SETBP1: variants seen among roughly 807,000 people sequenced by gnomAD.
SETBP1 encodes SET-binding protein.
In SETBP1, 9 loss-of-function variants were observed where a neutral mutation model predicts 101.0. The ratio of observed to expected loss-of-function variants is 0.09; its 90% CI spans 0.05 to 0.16. The LOEUF is 0.16. SETBP1 is among the 10% of genes least tolerant of loss of function. The pLI, the probability that SETBP1 is intolerant of heterozygous loss-of-function variation, is 1.00. For missense variants in SETBP1, 1,858 were observed against 2,033.8 expected, an observed-to-expected ratio of 0.91 and a Z score of 1.66; for synonymous variants, 818 against 788.5, an observed-to-expected ratio of 1.04 and a Z score of -0.63.
At chr18:44,836,043 C>T (rs982380268) in intron 2 of SETBP1, among the ~76,000 whole-genome samples, 25 of 152,134 alleles carry the variant, frequency 1.6e-4, no homozygotes, top group Non-Finnish European at 2.9e-4. Flanking sequence ...CCACGGACAA[C>T]GATCCTGTCC....
intron 3 of SETBP1, among the ~76,000 whole-genome samples, chr18:44,884,986 C>T (rs2069607590): frequency 6.6e-6 from 1 of 151,990 alleles, no homozygotes; most frequent in African/African-American, 2.4e-5. Flanking sequence ...TAAATCCTAC[C>T]CAGGAATGAT....
intron 4 of SETBP1, among the ~76,000 whole-genome samples, chr18:44,991,929 T>C (rs921315897): frequency 6.6e-6 from 1 of 152,192 alleles, no homozygotes; most frequent in Non-Finnish European, 1.5e-5. Flanking sequence ...GTCATAGAGA[T>C]TGTATTCTCT....
At chr18:44,822,089 G>T (rs1373554125) in intron 2 of SETBP1, among the ~76,000 whole-genome samples, 1 of 152,240 alleles carries the variant, frequency 6.6e-6, no homozygotes, top group Non-Finnish European at 1.5e-5. Flanking sequence ...TTTGTTGACT[G>T]AGTGACTCTG....
chr18:44,921,285 A>G (rs2070574257), intron 3 of SETBP1, among the ~76,000 whole-genome samples: 1 of 152,224 alleles, frequency 6.6e-6, no homozygotes, highest in Non-Finnish European at 1.5e-5. Flanking sequence ...TTTGAAGCAT[A>G]AGGTAGTTGA....
rs553319954 is a variant in SETBP1 at position 44,897,688 on chromosome 18, G to A, written c.540+28405G>A. Among the ~76,000 whole-genome samples the A allele has an allele frequency of 9.2e-5, 14 of 152,316 alleles. No individual in the cohort carries two copies. In the South Asian group the frequency reaches 2.9e-3, roughly 32 times the overall value. On this transcript the variant is annotated intron_variant, in intron 3 of 5. Transcript: ENST00000649279. ...ATAGGTAAATAGAAAAGAGTGAGCA[G>A]CCGTGTAACTGGCAGCATATGAACA...
At chr18:44,996,473 C>T (rs1599426626) in intron 4 of SETBP1, among the ~76,000 whole-genome samples, 1 of 152,142 alleles carries the variant, frequency 6.6e-6, no homozygotes, top group East Asian at 1.9e-4. Context: ...CACGTGTAGG[C>T]CTGACAGTGA....
At chr18:44,692,652 T>C (rs566912690) in intron 1 of SETBP1, among the ~76,000 whole-genome samples, 11 of 152,120 alleles carry the variant, frequency 7.2e-5, no homozygotes, top group African/African-American at 2.7e-4. Flanking sequence ...ACCAGGGAAG[T>C]GAGAGCAAGA....
At chr18:45,027,929 T>C in intron 4 of SETBP1, among the ~76,000 whole-genome samples, 1 of 152,186 alleles carries the variant, frequency 6.6e-6, no homozygotes, top group East Asian at 1.9e-4. Flanking sequence ...CTGCATTCCG[T>C]GATCATGACT....
At position 44,953,321 on chromosome 18, in the gene SETBP1, T is replaced by C; in HGVS notation, c.3981T>C (p.Tyr1327=). ...FKMNRKERSS[Y]DSSMSPGMPS... ...TGAACCGCAAGGAGAGAAGTTCTTA[T>C]GACTCCTCCATGTCTCCAGGTAAGG... The change falls in exon 4 of 6, where the codon TAT becomes TAC. Residue 1327 remains tyrosine (Y), a synonymous_variant. Transcript: ENST00000649279. 6.2e-7 allele frequency: 1 copy of C among 1,613,868 alleles called. No homozygotes were observed. Among genetic ancestry groups the C allele is most frequent in the Non-Finnish European group, 8.5e-7 (1 of 1,179,978 alleles).
chr18:44,897,250 G>T (rs1284728682), intron 3 of SETBP1, among the ~76,000 whole-genome samples: 2 of 152,158 alleles, frequency 1.3e-5, no homozygotes, highest in South Asian at 2.1e-4. Context: ...ACTCACTTGG[G>T]CTGCTTCCCT....
intron 2 of SETBP1, among the ~76,000 whole-genome samples, chr18:44,705,346 G>A (rs755278506): frequency 6.6e-6 from 1 of 152,110 alleles, no homozygotes; most frequent in Non-Finnish European, 1.5e-5. Context: ...TGTGACAGAG[G>A]TACTATGACC....
At chr18:44,720,764 A>G (rs556412209) in intron 2 of SETBP1, among the ~76,000 whole-genome samples, 21 of 152,224 alleles carry the variant, frequency 1.4e-4, no homozygotes, top group Non-Finnish European at 2.4e-4. Flanking sequence ...GCAGAGGGCA[A>G]AGTGCTCATG....
intron 3 of SETBP1, among the ~76,000 whole-genome samples, chr18:44,932,861 G>T (rs2070869280): frequency 6.6e-6 from 1 of 152,034 alleles, no homozygotes; most frequent in South Asian, 2.1e-4. Context: ...TTTTTTCAAG[G>T]TTTTTAGCTT....
chr18:44,864,115 GA>G (rs1425383675), intron 2 of SETBP1, among the ~76,000 whole-genome samples: 1 of 151,944 alleles, frequency 6.6e-6, no homozygotes, highest in East Asian at 1.9e-4. Context: ...GGACAGAGGG[GA>G]AAAAAATGGA....
intron 2 of SETBP1, among the ~76,000 whole-genome samples, chr18:44,827,009 T>C (rs1364997216): frequency 6.6e-6 from 1 of 152,214 alleles, no homozygotes; most frequent in Non-Finnish European, 1.5e-5. Flanking sequence ...ATGGGAGAGC[T>C]TCTCTCCCTC....
chr18:44,943,379 CCTAGGA>C (rs1386201449), intron 3 of SETBP1, among the ~76,000 whole-genome samples: 4 of 152,156 alleles, frequency 2.6e-5, no homozygotes, highest in African/African-American at 9.7e-5. Flanking sequence ...TTTGCAAAAT[CCTAGGA>C]CTTTGTGAAA....
At chr18:44,764,556 T>C (rs958693906) in intron 2 of SETBP1, among the ~76,000 whole-genome samples, 5 of 152,134 alleles carry the variant, frequency 3.3e-5, no homozygotes, top group Non-Finnish European at 1.5e-5. Context: ...CATTGCAAGC[T>C]CCGCCTCCTG....
intron 4 of SETBP1, among the ~76,000 whole-genome samples, chr18:45,005,220 TA>T (rs2145351592): frequency 6.6e-6 from 1 of 152,346 alleles, no homozygotes; most frequent in South Asian, 2.1e-4. Flanking sequence ...TCTTGATGGT[TA>T]ACCCTTAAAA....
chr18:45,045,253 C>A (rs925641442), intron 5 of SETBP1, among the ~76,000 whole-genome samples: 1 of 152,218 alleles, frequency 6.6e-6, no homozygotes, highest in African/African-American at 2.4e-5. Flanking sequence ...GAAACCCGCT[C>A]TCTACTAAAA....
Sources: gnomAD v4.1 joint callset for allele counts (sites outside exome capture counted in the v4.1 genomes callset) on GRCh38, gnomAD v4.1.1 for gene constraint, MANE v1.5 for transcripts, NCBI Gene and HGNC (gene_info 2026-07-23, HGNC 2026-07-21) for gene names.